The following TENM4 variants were observed in gnomAD, a reference collection of about 807,000 sequenced individuals.
TENM4 encodes teneurin transmembrane protein 4, also known as teneurin-4.
A neutral mutation model predicts 243.3 loss-of-function variants in TENM4; 82 were observed. That is an observed-to-expected ratio of 0.34 (90% CI 0.28 to 0.40). TENM4 has a LOEUF of 0.40. Among genes scored for constraint, TENM4 ranks in the 10% least tolerant of loss-of-function variants. The pLI, the probability that TENM4 is intolerant of heterozygous loss-of-function variation, is 1.00. For missense variants in TENM4, 3,138 were observed against 3,673.3 expected (o/e 0.85, Z 3.77); for synonymous variants, 1,412 against 1,456.3 (o/e 0.97, Z 0.69).
At position 78,889,984 on chromosome 11, in the gene TENM4, G is replaced by A. The variant is rs1431608621; in HGVS notation, c.885C>T (p.Leu295=). The A allele has an allele frequency of 7.1e-6, 11 of 1,548,402 alleles. No individual in the cohort carries two copies. The highest frequency in any genetic ancestry group is 1.7e-6 in the Non-Finnish European group (2 of 1,144,624). Residue 295 remains leucine (L), a synonymous_variant, in exon 9 of 34, where the codon CTC becomes CTT. Coordinates refer to ENST00000278550, the MANE Select transcript of TENM4 (RefSeq NM_001098816.3). ...GGTACCCTGGTGATGTGGTGCAGAA[G>A]AGCGGGGAGGTGCCTCCAGGCTTGA... ...FLFKPGGTSP[L]FCTTSPGYPL... is the part of the protein sequence containing the mutation.
intron 6 of TENM4, among the ~76,000 whole-genome samples, chr11:78,992,135 A>G (rs1408838088): frequency 6.6e-6 from 1 of 152,216 alleles, no homozygotes; most frequent in African/African-American, 2.4e-5. Flanking sequence ...CTGTTAGGAA[A>G]AGGAGTTCAG....
chr11:78,828,765 G>A (rs981988339), intron 12 of TENM4, among the ~76,000 whole-genome samples: 4 of 152,218 alleles, frequency 2.6e-5, no homozygotes, highest in Non-Finnish European at 4.4e-5. Flanking sequence ...TGGCAAAAGC[G>A]GTAGCTACAT....
chr11:78,970,690 C>T (rs892325525), intron 6 of TENM4, among the ~76,000 whole-genome samples: 1 of 152,062 alleles, frequency 6.6e-6, no homozygotes, highest in African/African-American at 2.4e-5. Flanking sequence ...CTTTATGGTC[C>T]AACAAAAGAC....
intron 3 of TENM4, among the ~76,000 whole-genome samples, chr11:79,168,831 G>T (rs1862977432): frequency 6.6e-6 from 1 of 152,164 alleles, no homozygotes; most frequent in South Asian, 2.1e-4. Flanking sequence ...TCTGAGCCCA[G>T]GCTTCAAGAA....
chr11:79,352,918 C>T (rs1468111259), intron 1 of TENM4, among the ~76,000 whole-genome samples: 6 of 151,520 alleles, frequency 4.0e-5, no homozygotes, highest in East Asian at 1.9e-4. Context: ...AGAGGTGAGC[C>T]GGAGAAAGAG....
Position 78,866,145 on chromosome 11 carries a change from T to G in TENM4, c.1085-3013A>C, listed in dbSNP as rs143932520. Among the ~76,000 whole-genome samples the G allele has an allele frequency of 4.8e-3, 737 of 152,360 alleles. 1 individual carries two copies. The highest frequency in any genetic ancestry group is 8.0e-3 in the Non-Finnish European group (545 of 68,034). Reference sequence around the variant, plus strand: ...TTAACCTGCCTGGAAGCAGTGAATATTCTGCTATTTCCAAGGCTGGATTAG... The same window carrying G: ...TTAACCTGCCTGGAAGCAGTGAATAGTCTGCTATTTCCAAGGCTGGATTAG... On this transcript the variant is annotated intron_variant, in intron 9 of 33. Transcript: ENST00000278550.
Position 78,721,817 on chromosome 11 carries a change from G to A in TENM4, c.3800+851C>T, listed in dbSNP as rs76353439. Among the ~76,000 whole-genome samples the A allele has an allele frequency of 9.1e-3, 1,383 of 152,220 alleles. 12 individuals carry two copies. Among genetic ancestry groups the A allele is most frequent in the African/African-American group, 0.031 (1,271 of 41,518 alleles). On this transcript the variant is annotated intron_variant, in intron 24 of 33. Transcript: ENST00000278550. ...TAAAGGAGTTGGGAGGGAGCTTGGC[G>A]CAATTCCTCTTGAAAGGGAGTGTGA...
chr11:79,343,433 C>T (rs2135464368), intron 1 of TENM4, among the ~76,000 whole-genome samples: 1 of 152,286 alleles, frequency 6.6e-6, no homozygotes, highest in Admixed American at 6.5e-5. Flanking sequence ...CTTTGGCTTT[C>T]AGGGTCTCAG....
At chr11:78,847,715 T>G (rs937910547) in intron 12 of TENM4, among the ~76,000 whole-genome samples, 2 of 152,216 alleles carry the variant, frequency 1.3e-5, no homozygotes, top group African/African-American at 4.8e-5. Flanking sequence ...GAGACCTCAA[T>G]TCTTCATTGC....
intron 6 of TENM4, among the ~76,000 whole-genome samples, chr11:78,933,953 G>T (rs540559313): frequency 5.3e-5 from 8 of 152,276 alleles, no homozygotes; most frequent in South Asian, 4.2e-4. Flanking sequence ...CTGGGGAAAG[G>T]GGGGGACAAG....
At chr11:78,970,040 C>T (rs1857509070) in intron 6 of TENM4, among the ~76,000 whole-genome samples, 1 of 152,226 alleles carries the variant, frequency 6.6e-6, no homozygotes, top group African/African-American at 2.4e-5. Flanking sequence ...CATTCAGTTG[C>T]TTCACTGAAT....
At chr11:79,256,012 C>G (rs555015899) in intron 2 of TENM4, among the ~76,000 whole-genome samples, 1 of 152,144 alleles carries the variant, frequency 6.6e-6, no homozygotes, top group Non-Finnish European at 1.5e-5. Context: ...GAATTCTTTT[C>G]CCTTTGACTT....
intron 6 of TENM4, 165 bp from the exon 7 acceptor site, chr11:78,903,688 A>T: frequency 8.6e-7 from 1 of 1,162,400 alleles, no homozygotes; most frequent in Admixed American, 2.1e-5. Context: ...TTGAGCACCT[A>T]CCATTCTAGG....
At chr11:78,856,366 T>C (rs1425987566) in intron 10 of TENM4, among the ~76,000 whole-genome samples, 188 bp from the exon 11 acceptor site, 3 of 152,300 alleles carry the variant, frequency 2.0e-5, no homozygotes, top group Admixed American at 2.0e-4. Flanking sequence ...GAACTTTTTT[T>C]TCCCCCCAGC....
intron 6 of TENM4, among the ~76,000 whole-genome samples, chr11:78,993,335 A>G (rs1858090987): frequency 6.6e-6 from 1 of 152,216 alleles, no homozygotes; most frequent in Non-Finnish European, 1.5e-5. Context: ...TTTTCTCTTT[A>G]TAATTGATTT....
At chr11:79,190,502 G>A (rs1204655944) in intron 3 of TENM4, among the ~76,000 whole-genome samples, 3 of 152,148 alleles carry the variant, frequency 2.0e-5, no homozygotes, top group African/African-American at 7.2e-5. Context: ...GCAAAGGACA[G>A]ATCCTCAGTA....
chr11:78,880,769 G>C (rs1000526526), intron 9 of TENM4, among the ~76,000 whole-genome samples: 1 of 152,186 alleles, frequency 6.6e-6, no homozygotes, highest in African/African-American at 2.4e-5. Context: ...AAATATCTGA[G>C]TTTGGAGATT....
At chr11:79,198,069 G>A (rs1863667083) in intron 3 of TENM4, among the ~76,000 whole-genome samples, 1 of 152,092 alleles carries the variant, frequency 6.6e-6, no homozygotes, top group Non-Finnish European at 1.5e-5. Flanking sequence ...GCATTCATCA[G>A]GATTAGGTAA....
chr11:79,019,599 A>G (rs1391997905), intron 6 of TENM4, among the ~76,000 whole-genome samples: 3 of 152,188 alleles, frequency 2.0e-5, no homozygotes, highest in Admixed American at 1.3e-4. Context: ...CTTTTCCCAC[A>G]TTCTAATTTA....
Sources: allele counts gnomAD v4.1 joint callset (sites outside exome capture counted in the v4.1 genomes callset), GRCh38; gene constraint gnomAD v4.1.1; transcripts MANE v1.5; gene names NCBI Gene and HGNC (gene_info 2026-07-23, HGNC 2026-07-21).